The following FANCI variants were observed in gnomAD, a reference collection of about 807,000 sequenced individuals.
FANCI encodes the protein Fanconi anemia group I protein.
A neutral mutation model predicts 176.1 loss-of-function variants in FANCI; 156 were observed. The ratio of observed to expected loss-of-function variants is 0.89; its 90% CI spans 0.78 to 1.01. FANCI has a LOEUF of 1.01. FANCI is among the 50% of genes least tolerant of loss of function. The pLI, the probability that FANCI is intolerant of heterozygous loss-of-function variation, is 0.00. For synonymous variants in FANCI, 613 were observed against 541.7 expected (o/e 1.13, Z -1.83); for missense variants, 1,678 against 1,534.1 (o/e 1.09, Z -1.57).
chr15:89,280,471 A>C (rs2053573101), intron 14 of FANCI, among the ~76,000 whole-genome samples: 1 of 152,244 alleles, frequency 6.6e-6, no homozygotes, highest in South Asian at 2.1e-4. Context: ...TCTTAAACTT[A>C]CCTTTCTCAT....
chr15:89,265,937 C>T (rs183445736), intron 9 of FANCI, among the ~76,000 whole-genome samples: 77 of 151,810 alleles, frequency 5.1e-4, no homozygotes, highest in Admixed American at 1.8e-3. Context: ...ATATGGAAAT[C>T]GAGAGACAAA....
chr15:89,271,015 G>A (rs2053179375), intron 10 of FANCI, among the ~76,000 whole-genome samples: 2 of 151,944 alleles, frequency 1.3e-5, no homozygotes, highest in Admixed American at 1.3e-4. Flanking sequence ...CTATATTGCT[G>A]GCCTTTTTAC....
Position 89,306,095 on chromosome 15 carries a change from C to G in FANCI, c.3438C>G (p.His1146Gln). The change falls in exon 32 of 38, where the codon CAC becomes CAG. Residue 1146 changes from histidine (H) to glutamine (Q), a missense_variant. His to Gln is a conservative substitution (Grantham distance 24). This residue lies in a region of FANCI where 1,204 missense variants were observed against 1,077.4 expected (regional missense o/e 1.12). Transcript: ENST00000310775. ...MQLGTLLTFF[H>Q]ELVQTALPSG... Reference sequence around the variant, plus strand: ...TGGGAACTCTGCTTACATTTTTCCACGAGCTGGTGCAGACAGCTCTGCCAT... The same window carrying G: ...TGGGAACTCTGCTTACATTTTTCCAGGAGCTGGTGCAGACAGCTCTGCCAT... 1 of 1,614,214 alleles carries G rather than the reference C, an allele frequency of 6.2e-7. No homozygotes were observed. Among genetic ancestry groups the G allele is most frequent in the Non-Finnish European group, 8.5e-7 (1 of 1,180,040 alleles).
intron 10 of FANCI, among the ~76,000 whole-genome samples, chr15:89,272,239 A>G (rs1338632585): frequency 6.6e-6 from 1 of 152,190 alleles, no homozygotes; most frequent in Non-Finnish European, 1.5e-5. Context: ...TAACTGTTCT[A>G]ATACCTTCTT....
At position 89,301,779 on chromosome 15, in the gene FANCI, A is replaced by C. The variant is rs73472609; in HGVS notation, c.3006+337A>C. Among the ~76,000 whole-genome samples the C allele has an allele frequency of 0.046, 7,049 of 152,216 alleles. 469 individuals carry two copies. Among genetic ancestry groups the C allele is most frequent in the African/African-American group, 0.15 (6,201 of 41,484 alleles). Reference sequence around the variant, plus strand: ...GTGTTCTTTGCCACTCTTGGTGTTTACTTCTTTTCTAAGAAGAAAATTTGT... The same window carrying C: ...GTGTTCTTTGCCACTCTTGGTGTTTCCTTCTTTTCTAAGAAGAAAATTTGT... On this transcript the variant is annotated intron_variant, in intron 27 of 37. Transcript: ENST00000310775.
intron 10 of FANCI, among the ~76,000 whole-genome samples, chr15:89,270,096 C>T (rs1480976687): frequency 6.6e-6 from 1 of 152,188 alleles, no homozygotes; most frequent in Non-Finnish European, 1.5e-5. Flanking sequence ...CAGGCGTGAG[C>T]CACTGCACTG....
chr15:89,277,490 C>T (rs2053451901), intron 13 of FANCI, among the ~76,000 whole-genome samples: 1 of 151,744 alleles, frequency 6.6e-6, no homozygotes, highest in Admixed American at 6.6e-5. Context: ...GTGGCACGCA[C>T]CTGCAGTCCC....
In FANCI at chr15:89,299,795, T is replaced by C. The variant is rs2054460443; in HGVS notation, c.2637-5T>C. Reference sequence around the variant, plus strand: ...TAAAAACAATACCACTTTCTCCTGCTTCAGAGTCTTGCTATGGAGATACAC... The same window carrying C: ...TAAAAACAATACCACTTTCTCCTGCCTCAGAGTCTTGCTATGGAGATACAC... On this transcript the variant is annotated splice_region_variant and splice_polypyrimidine_tract_variant and intron_variant, in intron 24 of 37. Transcript: ENST00000310775. The C allele has an allele frequency of 1.2e-6, 2 of 1,613,194 alleles. No homozygotes were observed. Among genetic ancestry groups the C allele is most frequent in the African/African-American group, 2.7e-5 (2 of 75,032 alleles).
chr15:89,259,518 C>A lies in FANCI; in HGVS notation c.157+742C>A, dbSNP rs373405139. On this transcript the variant is annotated intron_variant, in intron 3 of 37. Transcript: ENST00000310775. ...GATCAATAGCAACTGCCTACGTACA[C>A]TACTACTAAATGGAAGAGCAATTCT... 6.6e-5 allele frequency among the ~76,000 whole-genome samples: 10 copies of A among 152,268 alleles called. No individual in the cohort carries two copies. The East Asian group carries it at 1.3e-3, about 21-fold the overall frequency.
intron 18 of FANCI, among the ~76,000 whole-genome samples, chr15:89,287,931 T>G (rs1351928876): frequency 6.6e-6 from 1 of 152,004 alleles, no homozygotes; most frequent in Non-Finnish European, 1.5e-5. Context: ...TTATCATAGA[T>G]CCCCATAACA....
At chr15:89,305,269 A>ACCCT in intron 29 of FANCI, 27 bp downstream of exon 29, 1 of 1,614,108 alleles carries the variant, frequency 6.2e-7, no homozygotes, top group Non-Finnish European at 8.5e-7. Flanking sequence ...TCAGTACAAT[A>ACCCT]CCCTGTGTGG....
At chr15:89,300,925 A>G (rs983545081) in intron 26 of FANCI, among the ~76,000 whole-genome samples, 2 of 152,268 alleles carry the variant, frequency 1.3e-5, no homozygotes, top group African/African-American at 4.8e-5. Context: ...TATAGTAGAA[A>G]GACACTGACA....
At chr15:89,297,422 G>T (rs34755759) in intron 24 of FANCI, among the ~76,000 whole-genome samples, 1 of 152,044 alleles carries the variant, frequency 6.6e-6, no homozygotes, top group Non-Finnish European at 1.5e-5. Context: ...CTGGGAGGTG[G>T]AGGTTGTAGC....
chr15:89,292,930 T>G lies in FANCI; in HGVS notation c.2170-12T>G. On this transcript the variant is annotated splice_polypyrimidine_tract_variant and intron_variant, in intron 21 of 37. Transcript: ENST00000310775. ...TTTAGTAGCTTGTTAATTTTTATCT[T>G]GTGTCTTTTAGGATAAATCAGCAGA... 1 of 1,614,104 alleles carries G rather than the reference T, an allele frequency of 6.2e-7. No individual in the cohort carries two copies. Among genetic ancestry groups the G allele is most frequent in the Non-Finnish European group, 8.5e-7 (1 of 1,180,008 alleles).
At chr15:89,257,720 A>G (rs1006854314) in intron 2 of FANCI, among the ~76,000 whole-genome samples, 22 of 152,162 alleles carry the variant, frequency 1.4e-4, no homozygotes, top group African/African-American at 5.3e-4. Context: ...GAGCTTCAAC[A>G]TATGAAATTT....
At chr15:89,266,154 G>A (rs2052947572) in intron 9 of FANCI, among the ~76,000 whole-genome samples, 1 of 146,160 alleles carries the variant, frequency 6.8e-6, no homozygotes, top group Non-Finnish European at 1.5e-5. Flanking sequence ...GTGACACCAA[G>A]CCTGGCTACT....
chr15:89,261,730 C>A lies in FANCI; in HGVS notation c.434C>A (p.Ala145Asp), dbSNP rs759290267. ...CTGGCTACGAAAAAGGAAAATCTGG[C>A]TTATGGAAAAGGTAATTTTCTTCCG... ...TALATKKENL[A>D]YGKGVLSGEE... Residue 145 changes from alanine to aspartate, a missense_variant, in exon 5 of 38, where the codon GCT (alanine) becomes GAT (aspartate). Physicochemically the swap from Ala to Asp is moderately radical, Grantham distance 126. Transcript: ENST00000310775. 7.4e-6 allele frequency: 12 copies of A among 1,613,974 alleles called. No homozygotes were observed. The highest frequency in any genetic ancestry group is 8.5e-7 in the Non-Finnish European group (1 of 1,180,024).
chr15:89,314,498 G>T, intron 35 of FANCI, 114 bp from the exon 36 acceptor site: 1 of 793,092 alleles, frequency 1.3e-6, no homozygotes, highest in East Asian at 2.6e-5. Flanking sequence ...GCATTTGATT[G>T]GGAGACAGAC....
At chr15:89,288,710 C>G (rs146113819) in intron 18 of FANCI, among the ~76,000 whole-genome samples, 2 of 151,784 alleles carry the variant, frequency 1.3e-5, no homozygotes, top group East Asian at 1.9e-4. Flanking sequence ...CCTCCAGCTC[C>G]TAGGCTCAAA....
Sources: allele counts gnomAD v4.1 joint callset (sites outside exome capture counted in the v4.1 genomes callset), GRCh38; gene constraint gnomAD v4.1.1; regional missense constraint gnomAD v4.1.1; transcripts MANE v1.5; gene names NCBI Gene and HGNC (gene_info 2026-07-23, HGNC 2026-07-21).